MCPH1: variants seen among roughly 807,000 people sequenced by gnomAD.
MCPH1 encodes the protein microcephalin 1.
A neutral mutation model predicts 84.5 loss-of-function variants in MCPH1; 104 were observed. That is an observed-to-expected ratio of 1.23 (90% CI 1.05 to 1.45). MCPH1 has a LOEUF of 1.45. Among genes scored for constraint, MCPH1 ranks in the 40% most tolerant of loss-of-function variants. The probability of loss-of-function intolerance (pLI) is 0.00; values close to 1 mark genes in which losing one functional copy is unlikely to be tolerated. For synonymous variants in MCPH1, 514 were observed against 366.8 expected (o/e 1.40, Z -4.58); for missense variants, 1,498 against 1,005.7 (o/e 1.49, Z -6.62).
chr8:6,449,800 T>C (rs1386306512), intron 8 of MCPH1, among the ~76,000 whole-genome samples: 1 of 152,216 alleles, frequency 6.6e-6, no homozygotes, highest in African/African-American at 2.4e-5. Context: ...TCGTTGCTTA[T>C]GTGTGGAAAT....
At chr8:6,598,916 CAT>C (rs1232905525) in intron 12 of MCPH1, among the ~76,000 whole-genome samples, 2 of 152,268 alleles carry the variant, frequency 1.3e-5, no homozygotes, top group Admixed American at 1.3e-4. Flanking sequence ...CGTGAAAACA[CAT>C]GTGTGCACAC....
At chr8:6,572,875 C>T (rs992500603) in intron 12 of MCPH1, among the ~76,000 whole-genome samples, 2 of 152,226 alleles carry the variant, frequency 1.3e-5, no homozygotes, top group Non-Finnish European at 2.9e-5. Flanking sequence ...TCCCAAACCA[C>T]GTAAGGGCTA....
intron 12 of MCPH1, among the ~76,000 whole-genome samples, chr8:6,600,522 A>G (rs929256827): frequency 5.3e-5 from 8 of 152,262 alleles, no homozygotes; most frequent in African/African-American, 1.9e-4. Flanking sequence ...AGCTTACAGC[A>G]GAGTCTGAGT....
In MCPH1 at chr8:6,574,871, G is replaced by A. The variant is rs116779958; in HGVS notation, c.2215-46583G>A. Among the ~76,000 whole-genome samples, 1,156 of 152,296 alleles carry A rather than the reference G, an allele frequency of 7.6e-3. 13 individuals are homozygous for A. Among genetic ancestry groups the A allele is most frequent in the African/African-American group, 0.027 (1,106 of 41,558 alleles). On this transcript the variant is annotated intron_variant, in intron 12 of 13. Coordinates refer to ENST00000344683, the MANE Select transcript of MCPH1 (RefSeq NM_024596.5). Reference sequence around the variant, plus strand: ...AGGGCAGGCAATATCCAGGGAGATAGTCACTGAAGCTTTTCCCAAAGTGAT... The same window carrying A: ...AGGGCAGGCAATATCCAGGGAGATAATCACTGAAGCTTTTCCCAAAGTGAT...
chr8:6,571,524 C>A (rs542909899), intron 12 of MCPH1, among the ~76,000 whole-genome samples: 5 of 152,262 alleles, frequency 3.3e-5, no homozygotes, highest in African/African-American at 9.6e-5. Context: ...AGTGAATTTT[C>A]ATTTGAAAGT....
intron 12 of MCPH1, among the ~76,000 whole-genome samples, chr8:6,585,356 G>A (rs1010030174): frequency 2.6e-5 from 4 of 152,214 alleles, no homozygotes; most frequent in Non-Finnish European, 5.9e-5. Context: ...GGTGGATACT[G>A]CAGGGAGGGA....
At chr8:6,613,048 T>C (rs1267686045) in intron 12 of MCPH1, among the ~76,000 whole-genome samples, 3 of 152,040 alleles carry the variant, frequency 2.0e-5, no homozygotes, top group African/African-American at 7.3e-5. Flanking sequence ...GCGAGAGGCA[T>C]GGGGTTGGCC....
Position 6,644,342 on chromosome 8 carries a change from GC to G in MCPH1, c.*1295del, listed in dbSNP as rs547692297. On this transcript the variant is annotated 3_prime_UTR_variant, in exon 14 of 14. Coordinates refer to ENST00000344683, the MANE Select transcript of MCPH1 (RefSeq NM_024596.5). ...AGAAATGAAATGCTAGGAAGTCCTA[GC>G]CAGAGTGATCAGGCAAGAATAAGCC... The G allele has an allele frequency of 2.9e-3, 436 of 152,260 alleles. 3 individuals are homozygous for G. The highest frequency in any genetic ancestry group is 9.8e-3 in the African/African-American group (408 of 41,550). The allele number at this position is 152,260 out of a possible 1,614,324, so 9.4% of individuals were successfully genotyped here. A position where few individuals can be genotyped will look rare whatever the true frequency, so the allele number is the denominator to read the frequency against.
chr8:6,608,525 G>A (rs558637149), intron 12 of MCPH1, among the ~76,000 whole-genome samples: 2 of 152,278 alleles, frequency 1.3e-5, no homozygotes, highest in African/African-American at 4.8e-5. Flanking sequence ...CAGGGCAGCA[G>A]GACTCACTTG....
rs1356494817 is a variant in MCPH1, at chr8:6,647,895, G to A, written c.*4846G>A. 1 of 152,108 alleles carries A rather than the reference G, an allele frequency of 6.6e-6. No homozygotes were observed. The highest frequency in any genetic ancestry group is 2.4e-5 in the African/African-American group (1 of 41,396). The allele number at this position is 152,108 out of a possible 1,614,324, so 9.4% of individuals were successfully genotyped here. A position where few individuals can be genotyped will look rare whatever the true frequency, so the allele number is the denominator to read the frequency against. ...TTTTAATGGGTAAGCCTTAAGGCAT[G>A]TGAATTATACACCAATAAAGCTATT... On this transcript the variant is annotated 3_prime_UTR_variant, in exon 14 of 14. Coordinates refer to ENST00000344683, the MANE Select transcript of MCPH1 (RefSeq NM_024596.5).
chr8:6,426,842 A>G (rs908105814), intron 3 of MCPH1, among the ~76,000 whole-genome samples: 3 of 151,750 alleles, frequency 2.0e-5, no homozygotes, highest in South Asian at 2.1e-4. Flanking sequence ...TTTTCCCAAC[A>G]TTGTTTTAAG....
intron 12 of MCPH1, among the ~76,000 whole-genome samples, chr8:6,505,306 TATAAC>T (rs1563305926): frequency 2.9e-4 from 16 of 55,116 alleles, no homozygotes; most frequent in African/African-American, 1.2e-3. Flanking sequence ...TATATATGTA[TATAAC>T]ATATATATGT....
In MCPH1 at chr8:6,537,812, A is replaced by G. The variant is rs138788465; in HGVS notation, c.2214+37883A>G. Among the ~76,000 whole-genome samples, 19 of 152,290 alleles carry G rather than the reference A, an allele frequency of 1.2e-4. No homozygotes were observed. In the East Asian group the frequency reaches 3.7e-3, roughly 29 times the overall value. ...CAGTAAAGGAAAACATAGATAATATATGAAAACTATCCCCAACTTGGAGAT... is the reference window on the plus strand; with the variant it reads ...CAGTAAAGGAAAACATAGATAATATGTGAAAACTATCCCCAACTTGGAGAT... On this transcript the variant is annotated intron_variant, in intron 12 of 13. Coordinates refer to ENST00000344683, the MANE Select transcript of MCPH1 (RefSeq NM_024596.5).
At chr8:6,426,856 T>G (rs973649140) in intron 3 of MCPH1, among the ~76,000 whole-genome samples, 5 of 152,240 alleles carry the variant, frequency 3.3e-5, no homozygotes, top group African/African-American at 1.2e-4. Flanking sequence ...TTTTAAGATC[T>G]AATTCATATG....
chr8:6,631,070 T>A (rs1296569289), intron 13 of MCPH1, among the ~76,000 whole-genome samples: 3 of 152,180 alleles, frequency 2.0e-5, no homozygotes, highest in Admixed American at 1.3e-4. Context: ...ACCAGGCAAA[T>A]GCCTGATAGA....
intron 12 of MCPH1, among the ~76,000 whole-genome samples, chr8:6,526,422 G>A (rs774952716): frequency 1.3e-5 from 2 of 151,654 alleles, no homozygotes; most frequent in Non-Finnish European, 2.9e-5. Flanking sequence ...CAACCAGAGT[G>A]AGACCCTGTC....
chr8:6,543,295 G>C (rs532825417), intron 12 of MCPH1, among the ~76,000 whole-genome samples: 1 of 152,186 alleles, frequency 6.6e-6, no homozygotes, highest in Non-Finnish European at 1.5e-5. Flanking sequence ...CTACTGACCC[G>C]CCGTCCGCAA....
At chr8:6,456,834 A>C (rs192273152) in intron 9 of MCPH1, among the ~76,000 whole-genome samples, 1 of 152,222 alleles carries the variant, frequency 6.6e-6, no homozygotes, top group East Asian at 1.9e-4. Context: ...GATAGCCCTG[A>C]ATCTGATGGG....
Position 6,480,702 on chromosome 8 carries a change from C to T in MCPH1, c.1974-12C>T. ...GTCATTCATTTTGTTAATTTTTCCCCCGATTTGACAGAAAGCAGAATGTCG... is the reference window on the plus strand; with the variant it reads ...GTCATTCATTTTGTTAATTTTTCCCTCGATTTGACAGAAAGCAGAATGTCG... On this transcript the variant is annotated splice_polypyrimidine_tract_variant and intron_variant, in intron 10 of 13. Transcript: ENST00000344683. 1 of 1,614,002 alleles carries T rather than the reference C, an allele frequency of 6.2e-7. No individual in the cohort carries two copies. The highest frequency in any genetic ancestry group is 8.5e-7 in the Non-Finnish European group (1 of 1,179,984).
Sources: gnomAD v4.1 joint callset for allele counts (sites outside exome capture counted in the v4.1 genomes callset) on GRCh38, gnomAD v4.1.1 for gene constraint, MANE v1.5 for transcripts, NCBI Gene and HGNC (gene_info 2026-07-23, HGNC 2026-07-21) for gene names.